Variants in PHYKPL observed in about 807,000 individuals in gnomAD.
PHYKPL encodes 5-phosphohydroxy-L-lysine phospho-lyase.
PHYKPL carries 42 observed loss-of-function variants against 51.3 expected under a neutral mutation model. The ratio of observed to expected loss-of-function variants is 0.82; its 90% CI spans 0.64 to 1.06. The LOEUF is 1.06. Among genes scored for constraint, PHYKPL ranks in the 50% least tolerant of loss-of-function variants. The pLI is 0.00. For synonymous variants in PHYKPL, 264 were observed against 236.0 expected (o/e 1.12, Z -1.09); for missense variants, 655 against 586.6 (o/e 1.12, Z -1.20).
chr5:178,231,242 A>G (rs969264618), intron 2 of PHYKPL, among the ~76,000 whole-genome samples, 163 bp downstream of exon 2: 1 of 152,174 alleles, frequency 6.6e-6, no homozygotes, highest in Non-Finnish European at 1.5e-5. Context: ...AGATTGCAGA[A>G]TTCCACAGCT....
intron 9 of PHYKPL, 57 bp downstream of exon 9, chr5:178,215,207 GAGGTGAAGAAAA>G: frequency 6.2e-7 from 1 of 1,602,526 alleles, no homozygotes. Flanking sequence ...AGGTTGTTAG[GAGGTGAAGAAAA>G]TGGTACCACA....
At chr5:178,231,934 A>G in intron 1 of PHYKPL, 1 of 1,271,396 alleles carries the variant, frequency 7.9e-7, no homozygotes, top group Non-Finnish European at 1.0e-6. Context: ...GCTCCTTGCC[A>G]GCCACGTGGC....
chr5:178,231,671 T>C (rs1460002986), intron 1 of PHYKPL, 148 bp from the exon 2 acceptor site: 17 of 1,578,748 alleles, frequency 1.1e-5, no homozygotes, highest in African/African-American at 1.4e-5. Flanking sequence ...TTCCCTGCCT[T>C]GTCTCTCCAC....
At chr5:178,228,866 T>G (rs891982252) in intron 3 of PHYKPL, among the ~76,000 whole-genome samples, 13 of 152,196 alleles carry the variant, frequency 8.5e-5, no homozygotes, top group Admixed American at 3.9e-4. Flanking sequence ...GTTTCCTGAT[T>G]AAAGCCTCCG....
Position 178,211,978 on chromosome 5 carries a change from A to C in PHYKPL, c.1304-8T>G. On this transcript the variant is annotated splice_region_variant and splice_polypyrimidine_tract_variant and intron_variant, in intron 11 of 12. Coordinates refer to ENST00000308158, the MANE Select transcript of PHYKPL (RefSeq NM_153373.4). ...TCACCTTCTCTTCCATGTCTGAAAA[A>C]GACCACAAAGCAATGCCGACTCAGT... 2 of 1,614,128 alleles carry C rather than the reference A, an allele frequency of 1.2e-6. No homozygotes were observed. Among genetic ancestry groups the C allele is most frequent in the South Asian group, 2.2e-5 (2 of 91,082 alleles).
chr5:178,211,394 G>T (rs748834639), intron 12 of PHYKPL: 6 of 157,604 alleles, frequency 3.8e-5, no homozygotes, highest in Non-Finnish European at 7.0e-5. Context: ...AGTGATGAGG[G>T]CTTACATCCC....
At chr5:178,232,406 C>T in intron 1 of PHYKPL, 86 bp downstream of exon 1, 3 of 1,343,462 alleles carry the variant, frequency 2.2e-6, no homozygotes, top group South Asian at 1.9e-5. Flanking sequence ...GAGGCGCGTG[C>T]GTAGTGCGTG....
chr5:178,210,953 T>G (rs1291465169), intron 12 of PHYKPL: 1 of 320,292 alleles, frequency 3.1e-6, no homozygotes, highest in East Asian at 6.2e-5. Flanking sequence ...AAATTGTATC[T>G]TAGGAAACCA....
intron 12 of PHYKPL, among the ~76,000 whole-genome samples, 198 bp from the exon 13 acceptor site, chr5:178,209,113 A>G (rs1446233114): frequency 6.6e-6 from 1 of 152,192 alleles, no homozygotes; most frequent in Non-Finnish European, 1.5e-5. Flanking sequence ...GCCCATCTCA[A>G]GTGCATTCTG....
chr5:178,210,059 C>T, intron 12 of PHYKPL: 3 of 1,579,590 alleles, frequency 1.9e-6, no homozygotes, highest in East Asian at 2.2e-5. Flanking sequence ...CCCCAAAGGG[C>T]AGGATTTCCT....
intron 8 of PHYKPL, among the ~76,000 whole-genome samples, chr5:178,218,229 AAAAAAAAAAG>A (rs1188681672): frequency 1.3e-5 from 2 of 150,372 alleles, no homozygotes; most frequent in East Asian, 1.9e-4. Context: ...AAAAAAAAAA[AAAAAAAAAAG>A]AAAGAAAAGA....
chr5:178,223,105 C>G (rs1480350958), intron 6 of PHYKPL, among the ~76,000 whole-genome samples, 171 bp from the exon 7 acceptor site: 1 of 152,196 alleles, frequency 6.6e-6, no homozygotes, highest in African/African-American at 2.4e-5. Context: ...TTCTCTCAGG[C>G]CTCCAGCCAA....
At chr5:178,210,100 C>T (rs1162462744) in intron 12 of PHYKPL, 1 of 1,611,458 alleles carries the variant, frequency 6.2e-7, no homozygotes, top group Admixed American at 1.7e-5. Context: ...GCTAAATGGT[C>T]CACGGGCCCC....
chr5:178,222,605 CG>C, intron 7 of PHYKPL, 25 bp from the exon 8 acceptor site: 1 of 1,609,170 alleles, frequency 6.2e-7, no homozygotes. Context: ...ATGACTGACA[CG>C]GGGGCTGTGG....
chr5:178,232,113 C>T (rs1763589320), intron 1 of PHYKPL: 1 of 1,189,396 alleles, frequency 8.4e-7, no homozygotes, highest in Non-Finnish European at 1.1e-6. Flanking sequence ...TCGAGCCAGG[C>T]CCAGGTGCTG....
Position 178,209,275 on chromosome 5 carries a change from A to G in PHYKPL, c.*32-360T>C, listed in dbSNP as rs562872353. ...TTTGTCGCAGTGAAGGTGTTTGGGC[A>G]GTCACTGCCCTGAGTTTGTCCTACT... On this transcript the variant is annotated intron_variant, in intron 12 of 12. Coordinates refer to ENST00000308158, the MANE Select transcript of PHYKPL (RefSeq NM_153373.4). 7.8e-5 allele frequency: 106 copies of G among 1,358,520 alleles called. No homozygotes were observed. In the African/African-American group the frequency reaches 1.4e-3, roughly 18 times the overall value. 84.2% of individuals were successfully genotyped at this position (1,358,520 alleles called of 1,614,324 possible).
intron 11 of PHYKPL, 29 bp from the exon 12 acceptor site, chr5:178,211,999 TCA>T: frequency 6.2e-7 from 1 of 1,613,704 alleles, no homozygotes; most frequent in Non-Finnish European, 8.5e-7. Context: ...CAATGCCGAC[TCA>T]GTCACCTTTC....
intron 1 of PHYKPL, 122 bp downstream of exon 1, chr5:178,232,370 G>A (rs1561759936): frequency 4.6e-6 from 6 of 1,310,398 alleles, no homozygotes; most frequent in East Asian, 3.3e-5. Context: ...GGCCGGACGG[G>A]ATGGGTAGCA....
intron 8 of PHYKPL, among the ~76,000 whole-genome samples, chr5:178,217,999 C>T (rs1461708612): frequency 2.0e-5 from 3 of 147,774 alleles, no homozygotes; most frequent in Admixed American, 6.8e-5. Context: ...GGGCGGATCA[C>T]GAGGTCAGGA....
Sources: allele counts gnomAD v4.1 joint callset (sites outside exome capture counted in the v4.1 genomes callset), GRCh38; gene constraint gnomAD v4.1.1; transcripts MANE v1.5; gene names NCBI Gene and HGNC (gene_info 2026-07-23, HGNC 2026-07-21).